SPG11: variants seen among roughly 807,000 people sequenced by gnomAD.
SPG11 encodes spatacsin.
Under a neutral mutation model 274.0 loss-of-function variants are expected in SPG11, and 222 were observed. The observed-to-expected ratio is 0.81, with a 90% CI of 0.73 to 0.91. The LOEUF is 0.91. Among genes scored for constraint, SPG11 ranks in the 40% least tolerant of loss-of-function variants. The pLI is 0.00. For missense variants in SPG11, 3,114 were observed against 2,872.7 expected (o/e 1.08, Z -1.92); for synonymous variants, 1,144 against 1,039.7 (o/e 1.10, Z -1.93).
chr15:44,634,136 G>T (rs1387028112), intron 7 of SPG11, among the ~76,000 whole-genome samples: 2 of 152,064 alleles, frequency 1.3e-5, no homozygotes, highest in Non-Finnish European at 2.9e-5. Context: ...ACTGCGCCTG[G>T]CCCAATTTCT....
intron 10 of SPG11, among the ~76,000 whole-genome samples, chr15:44,627,781 A>G (rs892052454): frequency 4.6e-5 from 7 of 152,000 alleles, no homozygotes; most frequent in Non-Finnish European, 1.0e-4. Flanking sequence ...TAGTACAGAC[A>G]GTGTTTCACC....
intron 18 of SPG11, among the ~76,000 whole-genome samples, chr15:44,609,225 G>A (rs1391833579): frequency 2.0e-5 from 3 of 151,932 alleles, no homozygotes; most frequent in South Asian, 4.2e-4. Flanking sequence ...TCCGCCTCCC[G>A]GGTTCAAGCA....
At chr15:44,654,108 C>T (rs1483387731) in intron 4 of SPG11, among the ~76,000 whole-genome samples, 1 of 152,168 alleles carries the variant, frequency 6.6e-6, no homozygotes, top group Non-Finnish European at 1.5e-5. Flanking sequence ...CATGTACTAC[C>T]ATGCCCAGTT....
At chr15:44,661,796 T>C (rs932835348) in intron 1 of SPG11, among the ~76,000 whole-genome samples, 9 of 152,164 alleles carry the variant, frequency 5.9e-5, no homozygotes, top group African/African-American at 2.2e-4. Context: ...AGATATATGA[T>C]GTAATTTCAA....
At chr15:44,578,692 C>T (rs1478030484) in intron 30 of SPG11, among the ~76,000 whole-genome samples, 1 of 152,108 alleles carries the variant, frequency 6.6e-6, no homozygotes, top group Non-Finnish European at 1.5e-5. Context: ...TGAATACTAC[C>T]GCAAAGGAAA....
intron 33 of SPG11, 139 bp downstream of exon 33, chr15:44,572,544 A>T: frequency 2.4e-6 from 2 of 829,888 alleles, no homozygotes; most frequent in Non-Finnish European, 4.0e-6. Flanking sequence ...AAGGCTTTCT[A>T]CCAAGAACTT....
chr15:44,627,594 T>G (rs1333888617), intron 10 of SPG11, among the ~76,000 whole-genome samples: 1 of 130,996 alleles, frequency 7.6e-6, no homozygotes, highest in African/African-American at 2.8e-5. Flanking sequence ...AAGTAAGTAA[T>G]TTTTTTTTTT....
chr15:44,647,565 C>T (rs2084643141), intron 7 of SPG11, among the ~76,000 whole-genome samples: 1 of 152,142 alleles, frequency 6.6e-6, no homozygotes, highest in African/African-American at 2.4e-5. Context: ...TATATTGATA[C>T]AATGGAATAT....
At chr15:44,575,106 A>G in intron 30 of SPG11, 65 bp from the exon 31 acceptor site, 3 of 1,598,776 alleles carry the variant, frequency 1.9e-6, no homozygotes, top group Non-Finnish European at 2.6e-6. Context: ...CTAGCTCTCT[A>G]TGGCTCTACC....
At chr15:44,648,133 A>T (rs2084657187) in intron 7 of SPG11, among the ~76,000 whole-genome samples, 1 of 152,196 alleles carries the variant, frequency 6.6e-6, no homozygotes, top group East Asian at 1.9e-4. Flanking sequence ...TTTGGGACCA[A>T]ATTAGATATT....
At chr15:44,563,432 G>A in intron 39 of SPG11, 131 bp from the exon 40 acceptor site, 1 of 744,450 alleles carries the variant, frequency 1.3e-6, no homozygotes, top group Non-Finnish European at 2.3e-6. Context: ...TCCACCTGCT[G>A]GGTTCAAGTG....
intron 4 of SPG11, among the ~76,000 whole-genome samples, chr15:44,656,084 T>C (rs1345201340): frequency 1.3e-5 from 2 of 152,132 alleles, no homozygotes; most frequent in African/African-American, 2.4e-5. Context: ...CACAGAGGGA[T>C]GGGCCTTCAT....
chr15:44,595,288 G>C lies in SPG11; in HGVS notation c.4606C>G (p.Leu1536Val). The C allele has an allele frequency of 3.7e-6, 6 of 1,614,210 alleles. No homozygotes were observed. Among genetic ancestry groups the C allele is most frequent in the Non-Finnish European group, 5.1e-6 (6 of 1,180,030 alleles). The change falls in exon 26 of 40, where the codon CTC becomes GTC. Residue 1536 changes from leucine to valine, a missense_variant. Transcript: ENST00000261866. ...AAGAAAAGCTGGAAACCTCTGATGA[G>C]AGTTTTGCTCTTTTGTCTTGTTAAT... ...TLLTRQKSKT[L>V]IRGFQLFFKD...
chr15:44,568,741 G>C (rs1376145485), intron 35 of SPG11, among the ~76,000 whole-genome samples: 4 of 152,134 alleles, frequency 2.6e-5, no homozygotes, highest in Non-Finnish European at 1.5e-5. Flanking sequence ...CACTCTAAAA[G>C]CCCTCAAACA....
intron 14 of SPG11, 74 bp from the exon 15 acceptor site, chr15:44,620,477 G>A: frequency 2.0e-6 from 2 of 1,000,304 alleles, no homozygotes; most frequent in African/African-American, 1.6e-5. Context: ...CTAAATTACT[G>A]AGTAAATATA....
chr15:44,623,710 C>A (rs2083817287), intron 11 of SPG11, among the ~76,000 whole-genome samples: 1 of 152,134 alleles, frequency 6.6e-6, no homozygotes, highest in South Asian at 2.1e-4. Flanking sequence ...ATGAGAAACA[C>A]TATCTCCTCC....
At position 44,589,247 on chromosome 15, in the gene SPG11, C is replaced by G; in HGVS notation, c.4906+5G>C. 1 of 1,613,548 alleles carries G rather than the reference C, an allele frequency of 6.2e-7. No individual in the cohort carries two copies. Among genetic ancestry groups the G allele is most frequent in the Non-Finnish European group, 8.5e-7 (1 of 1,179,922 alleles). ...ATAGCAACTTAACTGTAAGGATTGT[C>G]TTACCATCAGAGAAGAGATGCTCTC... On this transcript the variant is annotated splice_donor_5th_base_variant and intron_variant, in intron 28 of 39. Transcript: ENST00000261866.
In SPG11 at chr15:44,663,475, G is replaced by A. The variant is rs780151569; in HGVS notation, c.173C>T (p.Thr58Met). Residue 58 changes from threonine (T) to methionine (M), a missense_variant, in exon 1 of 40, where the codon ACG becomes ATG. Transcript: ENST00000261866. ...RTQPEALGSL[T>M]AAGSLQVLSL... ...AAGCACTTGGAGGCTGCCCGCAGCC[G>A]TCAGGCTCCCCAGAGCCTCCGGCTG... is the stretch of plus-strand genomic sequence containing the variant. The A allele has an allele frequency of 8.8e-6, 14 of 1,594,032 alleles. No homozygotes were observed. The Middle Eastern group carries it at 8.3e-4, about 94-fold the overall frequency.
chr15:44,624,106 T>C (rs953371621), intron 11 of SPG11, among the ~76,000 whole-genome samples: 5 of 151,756 alleles, frequency 3.3e-5, no homozygotes, highest in Non-Finnish European at 7.4e-5. Context: ...TCAAGAGATA[T>C]GGAAATAACC....
Sources: gnomAD v4.1 joint callset for allele counts (sites outside exome capture counted in the v4.1 genomes callset) on GRCh38, gnomAD v4.1.1 for gene constraint, MANE v1.5 for transcripts, NCBI Gene and HGNC (gene_info 2026-07-23, HGNC 2026-07-21) for gene names.